Variants in ADCY3 observed in about 807,000 individuals in gnomAD.
The protein encoded by ADCY3 is adenylate cyclase type 3.
A neutral mutation model predicts 119.4 loss-of-function variants in ADCY3; 70 were observed. That is an observed-to-expected ratio of 0.59 (90% CI 0.48 to 0.72). The LOEUF is 0.72. ADCY3 is among the 30% of genes least tolerant of loss of function. The pLI is 0.00. For missense variants in ADCY3, 1,238 were observed against 1,541.6 expected, an observed-to-expected ratio of 0.80 and a Z score of 3.30; for synonymous variants, 672 against 621.4, an observed-to-expected ratio of 1.08 and a Z score of -1.21.
At chr2:24,868,144 A>G (rs1674524205) in intron 3 of ADCY3, among the ~76,000 whole-genome samples, 2 of 152,224 alleles carry the variant, frequency 1.3e-5, no homozygotes, top group African/African-American at 4.8e-5. Context: ...GACCAGAATA[A>G]AGATAAAAAA....
chr2:24,900,432 C>G (rs1483390691), intron 2 of ADCY3, among the ~76,000 whole-genome samples: 1 of 151,812 alleles, frequency 6.6e-6, no homozygotes, highest in East Asian at 1.9e-4. Context: ...GACATATAAA[C>G]TTTCCAGAAA....
At chr2:24,825,101 G>C (rs929272993) in intron 16 of ADCY3, among the ~76,000 whole-genome samples, 3 of 152,100 alleles carry the variant, frequency 2.0e-5, no homozygotes, top group Non-Finnish European at 2.9e-5. Flanking sequence ...CCTAATTTCA[G>C]CTGCAGGTCT....
intron 2 of ADCY3, among the ~76,000 whole-genome samples, chr2:24,917,036 C>A (rs536527237): frequency 6.6e-6 from 1 of 152,358 alleles, no homozygotes; most frequent in South Asian, 2.1e-4. Flanking sequence ...CCCTGCCAGG[C>A]CCTGCCTATG....
intron 2 of ADCY3, among the ~76,000 whole-genome samples, chr2:24,911,657 A>ACCC (rs1283716484): frequency 7.2e-6 from 1 of 138,152 alleles, no homozygotes. Flanking sequence ...AAAAAAAAAA[A>ACCC]ACACACACAC....
At position 24,839,883 on chromosome 2, in the gene ADCY3, C is replaced by T. The variant is rs1455094292; in HGVS notation, c.1345G>A (p.Gly449Ser). Reference sequence around the variant, plus strand: ...TGGAATGGCACTCACCCAGGGATGCCGCCGGCCTCCATCTTGTTGGCTACA... The same window carrying T: ...TGGAATGGCACTCACCCAGGGATGCTGCCGGCCTCCATCTTGTTGGCTACA... ...VTVANKMEAG[G>S]IPGRVHISQS... The change falls in exon 7 of 22, where the codon GGC becomes AGC. Residue 449 changes from glycine (G) to serine (S), a missense_variant. Gly to Ser is a moderately conservative substitution (Grantham distance 56). This residue lies in a region of ADCY3 where 283 missense variants were observed against 437.2 expected (regional missense o/e 0.65). Transcript: ENST00000679454. 22 of 1,613,700 alleles carry T rather than the reference C, an allele frequency of 1.4e-5. No individual in the cohort carries two copies. Among genetic ancestry groups the T allele is most frequent in the East Asian group, 2.2e-5 (1 of 44,878 alleles).
In ADCY3 at chr2:24,838,432, G is replaced by A. The variant is rs1306139214; in HGVS notation, c.1533+13C>T. On this transcript the variant is annotated intron_variant, in intron 8 of 21. Coordinates refer to ENST00000679454, the MANE Select transcript of ADCY3 (RefSeq NM_004036.5). Reference sequence around the variant, plus strand: ...GGGTGGGTGGGGTGGGTGGGGTGGGGTGGGGAACTCACCGAGCCATTGAGG... The same window carrying A: ...GGGTGGGTGGGGTGGGTGGGGTGGGATGGGGAACTCACCGAGCCATTGAGG... The A allele has an allele frequency of 1.9e-6, 3 of 1,594,092 alleles. No individual in the cohort carries two copies. The highest frequency in any genetic ancestry group is 1.7e-6 in the Non-Finnish European group (2 of 1,170,986).
chr2:24,847,430 T>C (rs144265745), intron 3 of ADCY3, among the ~76,000 whole-genome samples: 1 of 152,306 alleles, frequency 6.6e-6, no homozygotes, highest in East Asian at 1.9e-4. Flanking sequence ...TCCACAGCAA[T>C]ATCTCTTCAC....
At position 24,872,456 on chromosome 2, in the gene ADCY3, G is replaced by A; in HGVS notation, c.825+114C>T. On this transcript the variant is annotated intron_variant, in intron 3 of 21. Coordinates refer to ENST00000679454, the MANE Select transcript of ADCY3 (RefSeq NM_004036.5). The surrounding 1 kb of genome is among the most constrained non-coding windows in gnomAD (Gnocchi z 4.4). ...TCAGAAGCAAACACCTGAACAGGGT[G>A]GATGAACGCCAAGCCCCACGGAGCC... is the stretch of plus-strand genomic sequence containing the variant. The A allele has an allele frequency of 7.7e-7, 1 of 1,292,046 alleles. No individual in the cohort carries two copies. The highest frequency in any genetic ancestry group is 1.1e-6 in the Non-Finnish European group (1 of 933,866). The allele number at this position is 1,292,046 out of a possible 1,614,324, so 80.0% of individuals were successfully genotyped here.
chr2:24,829,462 G>A (rs1016798187), intron 13 of ADCY3, among the ~76,000 whole-genome samples: 5 of 111,524 alleles, frequency 4.5e-5, no homozygotes, highest in Non-Finnish European at 6.8e-5. Context: ...TCACTCTGTT[G>A]CCAGGCTGGA....
At chr2:24,822,031 A>AT (rs1208272037) in intron 19 of ADCY3, 4 of 210,752 alleles carry the variant, frequency 1.9e-5, no homozygotes, top group Non-Finnish European at 2.9e-5. Flanking sequence ...CATCCATATA[A>AT]TAGGGCCGTG....
chr2:24,861,860 C>T (rs1045865859), intron 3 of ADCY3, among the ~76,000 whole-genome samples: 2 of 152,232 alleles, frequency 1.3e-5, no homozygotes, highest in African/African-American at 4.8e-5. Context: ...GCCAGCGTGA[C>T]GGCATCTTGG....
At chr2:24,875,096 G>GGGACAGGC (rs1298333835) in intron 2 of ADCY3, among the ~76,000 whole-genome samples, 6 of 152,184 alleles carry the variant, frequency 3.9e-5, no homozygotes, top group Non-Finnish European at 8.8e-5. Context: ...TGTCCCATCT[G>GGGACAGGC]TCCCTATGAG....
intron 3 of ADCY3, among the ~76,000 whole-genome samples, chr2:24,848,614 G>C (rs1043418407): frequency 2.6e-5 from 4 of 152,122 alleles, no homozygotes; most frequent in African/African-American, 9.7e-5. Flanking sequence ...GGTTTCCTAG[G>C]CAGGAAAGCA....
intron 21 of ADCY3, 67 bp from the exon 22 acceptor site, chr2:24,820,181 C>G: frequency 8.9e-7 from 1 of 1,122,472 alleles, no homozygotes; most frequent in Non-Finnish European, 1.2e-6. Context: ...CGGGTGGGGG[C>G]TTTGGGTGGT....
intron 14 of ADCY3, 67 bp from the exon 15 acceptor site, chr2:24,827,675 C>T: frequency 6.6e-7 from 1 of 1,518,148 alleles, no homozygotes; most frequent in Non-Finnish European, 9.0e-7. Flanking sequence ...CAGCCAGGCA[C>T]CGGGGTATCC....
chr2:24,830,107 C>A (rs1248933978), intron 13 of ADCY3, among the ~76,000 whole-genome samples: 1 of 148,954 alleles, frequency 6.7e-6, no homozygotes, highest in Non-Finnish European at 1.5e-5. Context: ...GCGGCTCAAT[C>A]TCGGCTCACT....
chr2:24,860,063 T>C (rs975867310), intron 3 of ADCY3, among the ~76,000 whole-genome samples: 1 of 152,196 alleles, frequency 6.6e-6, no homozygotes, highest in African/African-American at 2.4e-5. Flanking sequence ...AGCATAGGCC[T>C]GCCCCTGTCA....
At chr2:24,880,294 CA>C (rs1325728188) in intron 2 of ADCY3, among the ~76,000 whole-genome samples, 1 of 152,246 alleles carries the variant, frequency 6.6e-6, no homozygotes, top group African/African-American at 2.4e-5. Context: ...TGCGCACTGC[CA>C]GGGGTGCCAC....
chr2:24,847,057 T>C (rs1230586693), intron 3 of ADCY3, among the ~76,000 whole-genome samples: 1 of 152,134 alleles, frequency 6.6e-6, no homozygotes, highest in Non-Finnish European at 1.5e-5. Context: ...AGTGGAATGA[T>C]ATGGTTTGGC....
Sources: gnomAD v4.1 joint callset for allele counts (sites outside exome capture counted in the v4.1 genomes callset) on GRCh38, gnomAD v4.1.1 for gene constraint, gnomAD v4.1.1 regional missense constraint, Gnocchi (gnomAD v3.1) non-coding constraint, MANE v1.5 for transcripts, NCBI Gene and HGNC (gene_info 2026-07-23, HGNC 2026-07-21) for gene names.